The following E2F3 variants were observed in gnomAD, a reference collection of about 807,000 sequenced individuals.
E2F3 encodes the protein E2F transcription factor 3.
In E2F3, 11 loss-of-function variants were observed where a neutral mutation model predicts 44.4. That is an observed-to-expected ratio of 0.25 (90% CI 0.16 to 0.41). The LOEUF is 0.41. E2F3 is among the 10% of genes least tolerant of loss of function. The pLI is 1.00. For synonymous variants in E2F3, 249 were observed against 253.0 expected, an observed-to-expected ratio of 0.98 and a Z score of 0.15; for missense variants, 487 against 583.6, an observed-to-expected ratio of 0.83 and a Z score of 1.70.
intron 1 of E2F3, among the ~76,000 whole-genome samples, chr6:20,474,173 G>A (rs551137506): frequency 6.6e-6 from 1 of 152,076 alleles, no homozygotes; most frequent in African/African-American, 2.4e-5. Flanking sequence ...CTGGGCCCAA[G>A]TGATCCTCTT....
chr6:20,479,680 C>T (rs923078430), intron 1 of E2F3, among the ~76,000 whole-genome samples, 166 bp from the exon 2 acceptor site: 4 of 152,172 alleles, frequency 2.6e-5, no homozygotes, highest in Admixed American at 2.0e-4. Context: ...CAGCCTACAA[C>T]GCTAGAATCC....
At chr6:20,432,531 ACTT>A (rs1374883773) in intron 1 of E2F3, among the ~76,000 whole-genome samples, 7 of 152,254 alleles carry the variant, frequency 4.6e-5, no homozygotes, top group African/African-American at 1.7e-4. Context: ...GGGAAAGCGT[ACTT>A]CTTCAGTGGG....
intron 4 of E2F3, among the ~76,000 whole-genome samples, chr6:20,483,789 T>C (rs930727278): frequency 1.4e-4 from 21 of 152,256 alleles, no homozygotes; most frequent in Admixed American, 5.9e-4. Context: ...AAACTTCTGA[T>C]GATTGCACAT....
intron 1 of E2F3, among the ~76,000 whole-genome samples, chr6:20,418,171 C>A (rs1192978929): frequency 6.6e-6 from 1 of 152,148 alleles, no homozygotes; most frequent in Non-Finnish European, 1.5e-5. Flanking sequence ...TTTTCCAAAT[C>A]CAGCACTGGG....
intron 1 of E2F3, among the ~76,000 whole-genome samples, chr6:20,410,211 CTA>C (rs1178530288): frequency 3.3e-5 from 5 of 152,200 alleles, no homozygotes; most frequent in Non-Finnish European, 5.9e-5. Context: ...GAGGCCCACA[CTA>C]TCTCCTGTGT....
Position 20,483,031 on chromosome 6 carries a change from G to A in E2F3, c.884+111G>A. 2.7e-6 allele frequency: 4 copies of A among 1,490,416 alleles called. No individual in the cohort carries two copies. The South Asian group carries it at 4.7e-5, about 17-fold the overall frequency. 92.3% of individuals were successfully genotyped at this position (1,490,416 alleles called of 1,614,324 possible). A position where few individuals can be genotyped will look rare whatever the true frequency, so the allele number is the denominator to read the frequency against. On this transcript the variant is annotated intron_variant, in intron 4 of 6. Coordinates refer to ENST00000346618, the MANE Select transcript of E2F3 (RefSeq NM_001949.5). ...ATTATTATTCTGATGTCATGCAAAT[G>A]AGTACCTGTGTGCCTGTGTGTGTAT...
intron 1 of E2F3, among the ~76,000 whole-genome samples, chr6:20,418,245 T>C (rs1442280529): frequency 6.6e-6 from 1 of 152,196 alleles, no homozygotes; most frequent in Non-Finnish European, 1.5e-5. Flanking sequence ...AGCAGCGCTG[T>C]CCATATAGTC....
At chr6:20,439,131 C>G (rs143931055) in intron 1 of E2F3, among the ~76,000 whole-genome samples, 1 of 152,336 alleles carries the variant, frequency 6.6e-6, no homozygotes, top group African/African-American at 2.4e-5. Flanking sequence ...TCTGACCAAA[C>G]ATTTTTCTAC....
At chr6:20,452,440 C>G (rs1213435290) in intron 1 of E2F3, 2 of 151,944 alleles carry the variant, frequency 1.3e-5, no homozygotes, top group Non-Finnish European at 2.9e-5. Context: ...CTGTATTTTT[C>G]CAATTTTCAT....
intron 3 of E2F3, 110 bp from the exon 4 acceptor site, chr6:20,482,652 A>T: frequency 6.5e-6 from 6 of 926,016 alleles, no homozygotes; most frequent in Non-Finnish European, 6.2e-6. Context: ...ACACTTGGCT[A>T]ACAAGCAATG....
intron 1 of E2F3, among the ~76,000 whole-genome samples, chr6:20,455,159 A>T (rs1451728040): frequency 6.6e-6 from 1 of 152,250 alleles, no homozygotes; most frequent in Non-Finnish European, 1.5e-5. Context: ...TAAGAAATGC[A>T]TAAATAGCGA....
chr6:20,428,690 T>C (rs1415064084), intron 1 of E2F3, among the ~76,000 whole-genome samples: 1 of 152,210 alleles, frequency 6.6e-6, no homozygotes, highest in African/African-American at 2.4e-5. Flanking sequence ...AAAACAGGTC[T>C]CTTGCCTAAA....
At chr6:20,482,620 A>ATATATG (rs1554141465) in intron 3 of E2F3, 142 bp from the exon 4 acceptor site, 36 of 293,390 alleles carry the variant, frequency 1.2e-4, no homozygotes, top group Non-Finnish European at 1.8e-4. Context: ...ATATATATAT[A>ATATATG]TGTGTAAATG....
chr6:20,433,427 C>T lies in E2F3; in HGVS notation c.393+30802C>T, dbSNP rs539027940. 4.6e-5 allele frequency among the ~76,000 whole-genome samples: 7 copies of T among 152,256 alleles called. No homozygotes were observed. In the South Asian group the frequency reaches 1.5e-3, roughly 32 times the overall value. On this transcript the variant is annotated intron_variant, in intron 1 of 6. Coordinates refer to ENST00000346618, the MANE Select transcript of E2F3 (RefSeq NM_001949.5). ...ATTACTTAATTTTTTTGTGTGACTA[C>T]CCTCTAACTGAAATTTAGCGTTTTC... is the stretch of plus-strand genomic sequence containing the variant.
intron 6 of E2F3, among the ~76,000 whole-genome samples, chr6:20,488,472 G>A (rs140318700): frequency 1.3e-5 from 2 of 152,332 alleles, no homozygotes; most frequent in Non-Finnish European, 2.9e-5. Flanking sequence ...GCTATTGGCA[G>A]AGAATGTTTC....
chr6:20,453,199 T>C (rs1362673334), intron 1 of E2F3, among the ~76,000 whole-genome samples: 9 of 152,102 alleles, frequency 5.9e-5, no homozygotes, highest in Admixed American at 6.6e-5. Context: ...GTTTTTTTGG[T>C]CTTATACAGA....
chr6:20,490,204 C>T lies in E2F3; in HGVS notation c.1172C>T (p.Ser391Leu). The change falls in exon 7 of 7, where the codon TCA becomes TTA. Residue 391 changes from serine (S) to leucine (L), a missense_variant. Transcript: ENST00000346618. This position sits in a 1 kb window ranked among gnomAD's most constrained non-coding sequence, Gnocchi z 4.3. ...ASTNSGHSDC[S>L]VSMGNLSPLA... ...ACCAACTCAGGACATAGCGATTGCT[C>T]AGTTTCTATGGGAAACCTTTCTCCT... is the stretch of plus-strand genomic sequence containing the variant. 1 of 1,613,798 alleles carries T rather than the reference C, an allele frequency of 6.2e-7. No homozygotes were observed. Among genetic ancestry groups the T allele is most frequent in the Non-Finnish European group, 8.5e-7 (1 of 1,179,868 alleles).
intron 1 of E2F3, among the ~76,000 whole-genome samples, chr6:20,406,886 G>C (rs1759512860): frequency 6.6e-6 from 1 of 152,204 alleles, no homozygotes; most frequent in African/African-American, 2.4e-5. Context: ...ATAGTCAGAA[G>C]TGCTACTCAA....
In E2F3 at chr6:20,492,758, A is replaced by G. The variant is rs748284638; in HGVS notation, c.*2328A>G. 13 of 231,172 alleles carry G rather than the reference A, an allele frequency of 5.6e-5. No individual in the cohort carries two copies. The highest frequency in any genetic ancestry group is 2.3e-4 in the Admixed American group (4 of 17,720). 14.3% of individuals were successfully genotyped at this position (231,172 alleles called of 1,614,324 possible). ...TCATGCATAAGATTTTTTTCCAGTT[A>G]CTGGGTTTAACTGGTGTACATTAAT... is the stretch of plus-strand genomic sequence containing the variant. On this transcript the variant is annotated 3_prime_UTR_variant, in exon 7 of 7. Transcript: ENST00000346618.
Sources: allele counts gnomAD v4.1 joint callset (sites outside exome capture counted in the v4.1 genomes callset), GRCh38; gene constraint gnomAD v4.1.1; non-coding constraint Gnocchi (gnomAD v3.1); transcripts MANE v1.5; gene names NCBI Gene and HGNC (gene_info 2026-07-23, HGNC 2026-07-21).